RASAL2: variants seen among roughly 807,000 people sequenced by gnomAD.
RASAL2 encodes RAS protein activator like 2.
In RASAL2, 58 loss-of-function variants were observed where a neutral mutation model predicts 128.9. The observed-to-expected ratio is 0.45, with a 90% confidence interval of 0.36 to 0.56. RASAL2 has a LOEUF of 0.56. Ranked by LOEUF, RASAL2 falls within the 20% of genes least tolerant of loss-of-function variation. RASAL2 has a pLI of 0.00. For synonymous variants in RASAL2, 561 were observed against 580.8 expected (o/e 0.97, Z 0.49); for missense variants, 1,360 against 1,601.6 (o/e 0.85, Z 2.57).
At chr1:178,229,029 C>G (rs1461576307) in intron 1 of RASAL2, among the ~76,000 whole-genome samples, 1 of 152,136 alleles carries the variant, frequency 6.6e-6, no homozygotes, top group African/African-American at 2.4e-5. Context: ...GTACAATAAA[C>G]TCCCATAAAT....
chr1:178,311,253 A>ACACACAC (rs1668232217), intron 3 of RASAL2, among the ~76,000 whole-genome samples: 5 of 143,708 alleles, frequency 3.5e-5, no homozygotes, highest in South Asian at 2.2e-4. Flanking sequence ...CACACACACA[A>ACACACAC]ACACACACAC....
intron 5 of RASAL2, among the ~76,000 whole-genome samples, chr1:178,438,881 CTGTGTGTGTGTGTGTGTGTGTGTGTG>C (rs3042589): frequency 1.5e-5 from 2 of 129,392 alleles, no homozygotes; most frequent in Admixed American, 8.2e-5. Context: ...AGCTTCGACT[CTGTGTGTGTGTGTGTGTGTGTGTGTG>C]TGTGTGTGTG....
rs1659249536 is a variant in RASAL2 at position 178,110,303 on chromosome 1, A to G, written c.202+15609A>G. On this transcript the variant is annotated intron_variant, in intron 1 of 17. Transcript: ENST00000367649. Reference sequence around the variant, plus strand: ...TTAATCCCTCATTATTTACCAGGGGATTGGTTCCAGGGTCCCAACAGATAC... The same window carrying G: ...TTAATCCCTCATTATTTACCAGGGGGTTGGTTCCAGGGTCCCAACAGATAC... Among the ~76,000 whole-genome samples, 4 of 151,860 alleles carry G rather than the reference A, an allele frequency of 2.6e-5. No homozygotes were observed. The South Asian group carries it at 8.3e-4, about 32-fold the overall frequency.
At chr1:178,242,230 G>T (rs1664530772) in intron 1 of RASAL2, among the ~76,000 whole-genome samples, 1 of 151,954 alleles carries the variant, frequency 6.6e-6, no homozygotes. Context: ...ATTGGATGGT[G>T]TTCTAATTAT....
At chr1:178,207,564 A>G (rs773564851) in intron 1 of RASAL2, among the ~76,000 whole-genome samples, 1 of 152,230 alleles carries the variant, frequency 6.6e-6, no homozygotes, top group Non-Finnish European at 1.5e-5. Flanking sequence ...CCGATTCCCC[A>G]TGGATACTGA....
chr1:178,131,085 C>A (rs557107137), intron 1 of RASAL2, among the ~76,000 whole-genome samples: 37 of 147,156 alleles, frequency 2.5e-4, no homozygotes, highest in African/African-American at 7.2e-4. Context: ...CAAAAAAAAC[C>A]AAAAAAAAAC....
chr1:178,123,180 C>G (rs1659777150), intron 1 of RASAL2: 1 of 152,106 alleles, frequency 6.6e-6, no homozygotes, highest in South Asian at 2.1e-4. Flanking sequence ...AACAGGCACC[C>G]AGGTAATTTG....
intron 1 of RASAL2, 57 bp from the exon 2 acceptor site, chr1:178,283,507 T>C: frequency 6.4e-7 from 1 of 1,568,234 alleles, no homozygotes. Context: ...TTTGAAATAC[T>C]GGTTTACTAA....
intron 15 of RASAL2, 105 bp from the exon 16 acceptor site, chr1:178,465,811 GAAAA>G: frequency 9.3e-7 from 1 of 1,070,520 alleles, no homozygotes; most frequent in Non-Finnish European, 1.3e-6. Context: ...TTAAAAAAAA[GAAAA>G]AAGAAAAAGA....
rs1363136360 is a variant in RASAL2 at position 178,465,992 on chromosome 1, C to T, written c.3460C>T (p.Arg1154Cys). The change falls in exon 16 of 18, where the codon CGC (arginine) becomes TGC (cysteine). Residue 1154 changes from arginine to cysteine, a missense_variant. Coordinates refer to ENST00000367649, the MANE Select transcript of RASAL2 (RefSeq NM_170692.4). ...CCGGCGACTGGAGGAATATGAACGCCGCTTGCTGGTGCAGGAGCAGCAGAT... is the reference window on the plus strand; with the variant it reads ...CCGGCGACTGGAGGAATATGAACGCTGCTTGCTGGTGCAGGAGCAGCAGAT... ...SSRRLEEYERRLLVQEQQMQK... is the reference protein window; with the variant it reads ...SSRRLEEYERCLLVQEQQMQK... 7 of 1,560,144 alleles carry T rather than the reference C, an allele frequency of 4.5e-6. No individual in the cohort carries two copies. The highest frequency in any genetic ancestry group is 1.4e-5 in the African/African-American group (1 of 73,716).
chr1:178,322,174 C>T (rs1381093093), intron 3 of RASAL2, among the ~76,000 whole-genome samples: 1 of 152,004 alleles, frequency 6.6e-6, no homozygotes, highest in Admixed American at 6.6e-5. Flanking sequence ...TAACTCTCTT[C>T]GTGGTTTTTA....
In RASAL2 at chr1:178,142,710, A is replaced by G. The variant is rs1418109199; in HGVS notation, c.202+48016A>G. On this transcript the variant is annotated intron_variant, in intron 1 of 17. Coordinates refer to ENST00000367649, the MANE Select transcript of RASAL2 (RefSeq NM_170692.4). ...TGATACTGTATGCCTAATGCCTGGGATACTCCCTGGGTTACTGCAGCCTTG... is the reference window on the plus strand; with the variant it reads ...TGATACTGTATGCCTAATGCCTGGGGTACTCCCTGGGTTACTGCAGCCTTG... Among the ~76,000 whole-genome samples the G allele has an allele frequency of 2.0e-5, 3 of 152,234 alleles. No homozygotes were observed. In the East Asian group the frequency reaches 5.8e-4, roughly 29 times the overall value.
intron 4 of RASAL2, among the ~76,000 whole-genome samples, chr1:178,408,115 T>C (rs1674104830): frequency 6.6e-6 from 1 of 152,228 alleles, no homozygotes; most frequent in South Asian, 2.1e-4. Flanking sequence ...TATGACAATG[T>C]ACCTTTTTTA....
At chr1:178,424,218 G>T (rs910512710) in intron 5 of RASAL2, among the ~76,000 whole-genome samples, 34 of 142,218 alleles carry the variant, frequency 2.4e-4, no homozygotes, top group Admixed American at 2.3e-3. Flanking sequence ...AAGTGTTGTG[G>T]TTTTTTTTTT....
chr1:178,203,792 A>G lies in RASAL2; in HGVS notation c.203-79772A>G, dbSNP rs562166959. 3.3e-5 allele frequency among the ~76,000 whole-genome samples: 5 copies of G among 152,310 alleles called. No individual in the cohort carries two copies. In the East Asian group the frequency reaches 5.8e-4, roughly 18 times the overall value. On this transcript the variant is annotated intron_variant, in intron 1 of 17. Coordinates refer to ENST00000367649, the MANE Select transcript of RASAL2 (RefSeq NM_170692.4). ...GATGAAATCAGTCTACTGCTCCACAATGGAGGTAAGGAAGAGTATGTGTAG... is the reference window on the plus strand; with the variant it reads ...GATGAAATCAGTCTACTGCTCCACAGTGGAGGTAAGGAAGAGTATGTGTAG...
At chr1:178,279,355 C>T (rs1270061160) in intron 1 of RASAL2, among the ~76,000 whole-genome samples, 1 of 152,144 alleles carries the variant, frequency 6.6e-6, no homozygotes, top group Non-Finnish European at 1.5e-5. Context: ...CAAAATCTGG[C>T]TCACATGGTC....
chr1:178,154,103 T>C (rs1475718143), intron 1 of RASAL2, among the ~76,000 whole-genome samples: 1 of 152,000 alleles, frequency 6.6e-6, no homozygotes, highest in Non-Finnish European at 1.5e-5. Context: ...CCCAGAGTGC[T>C]GGGATTACAG....
At chr1:178,242,326 T>C (rs560454251) in intron 1 of RASAL2, among the ~76,000 whole-genome samples, 2 of 152,322 alleles carry the variant, frequency 1.3e-5, no homozygotes, top group East Asian at 3.9e-4. Flanking sequence ...ATACTCTTAA[T>C]ATTTTAGCAT....
chr1:178,342,381 T>C, intron 3 of RASAL2, among the ~76,000 whole-genome samples: 1 of 152,216 alleles, frequency 6.6e-6, no homozygotes, highest in African/African-American at 2.4e-5. Flanking sequence ...CAATTATATA[T>C]AGGCTTATAT....
Sources: gnomAD v4.1 joint callset for allele counts (sites outside exome capture counted in the v4.1 genomes callset) on GRCh38, gnomAD v4.1.1 for gene constraint, MANE v1.5 for transcripts, NCBI Gene and HGNC (gene_info 2026-07-23, HGNC 2026-07-21) for gene names.